The following MAST4 variants were observed in gnomAD, a reference collection of about 807,000 sequenced individuals.
The protein encoded by MAST4 is microtubule-associated serine/threonine-protein kinase 4.
Under a neutral mutation model 162.7 loss-of-function variants are expected in MAST4, and 89 were observed. The ratio of observed to expected loss-of-function variants is 0.55; its 90% CI spans 0.46 to 0.65. MAST4 has a LOEUF of 0.65. Among genes scored for constraint, MAST4 ranks in the 30% least tolerant of loss-of-function variants. The pLI is 0.00. For missense variants in MAST4, 3,153 were observed against 3,374.0 expected, an observed-to-expected ratio of 0.93 and a Z score of 1.62; for synonymous variants, 1,479 against 1,361.1, an observed-to-expected ratio of 1.09 and a Z score of -1.91.
At chr5:66,959,943 G>A (rs1745808165) in intron 4 of MAST4, among the ~76,000 whole-genome samples, 1 of 152,070 alleles carries the variant, frequency 6.6e-6, no homozygotes, top group South Asian at 2.1e-4. Flanking sequence ...CTAATTTGTG[G>A]CGCAGAAGTT....
At chr5:66,866,624 G>A (rs43206) in intron 3 of MAST4, among the ~76,000 whole-genome samples, 80,098 of 152,154 alleles carry the variant, frequency 0.53, 22,818 homozygotes, top group Non-Finnish European at 0.64. Flanking sequence ...ACATTTAAAT[G>A]TAGTGTTTAG....
chr5:66,707,855 T>C (rs10057872), intron 1 of MAST4, among the ~76,000 whole-genome samples: 2,390 of 152,042 alleles, frequency 0.016, 67 homozygotes, highest in African/African-American at 0.053. Flanking sequence ...GAACAGTGGG[T>C]TCTACACCCT....
At chr5:66,933,023 A>G (rs1310410082) in intron 4 of MAST4, among the ~76,000 whole-genome samples, 1 of 152,162 alleles carries the variant, frequency 6.6e-6, no homozygotes, top group Non-Finnish European at 1.5e-5. Flanking sequence ...CTAAATAAGA[A>G]TCATATTTTG....
chr5:66,900,138 AATG>A (rs1386099237), intron 4 of MAST4, among the ~76,000 whole-genome samples, 156 bp downstream of exon 4: 1 of 152,146 alleles, frequency 6.6e-6, no homozygotes, highest in African/African-American at 2.4e-5. Flanking sequence ...AAACAGTAGT[AATG>A]ATTTCATAAT....
At chr5:66,618,039 G>A (rs2149403247) in intron 1 of MAST4, among the ~76,000 whole-genome samples, 1 of 152,008 alleles carries the variant, frequency 6.6e-6, no homozygotes, top group Non-Finnish European at 1.5e-5. Flanking sequence ...GGAATGGGGG[G>A]GGGGCCCTGA....
At chr5:66,805,173 G>A (rs1463388621) in intron 3 of MAST4, among the ~76,000 whole-genome samples, 4 of 152,166 alleles carry the variant, frequency 2.6e-5, no homozygotes, top group African/African-American at 4.8e-5. Context: ...GTAAAGGAGC[G>A]GTTCATCTTC....
intron 3 of MAST4, among the ~76,000 whole-genome samples, chr5:66,810,633 G>A (rs1266949911): frequency 6.6e-6 from 1 of 152,174 alleles, no homozygotes; most frequent in Admixed American, 6.5e-5. Context: ...TGCCACCAAA[G>A]CATCTGTTGC....
At chr5:67,048,766 A>G (rs1178257665) in intron 4 of MAST4, among the ~76,000 whole-genome samples, 1 of 151,702 alleles carries the variant, frequency 6.6e-6, no homozygotes, top group Non-Finnish European at 1.5e-5. Context: ...GAGTTTTTAA[A>G]TCACCTAGTC....
intron 1 of MAST4, among the ~76,000 whole-genome samples, 188 bp downstream of exon 1, chr5:66,597,206 G>A (rs1481431166): frequency 2.6e-5 from 4 of 152,220 alleles, no homozygotes; most frequent in Non-Finnish European, 5.9e-5. Context: ...ACTTCCCTGT[G>A]GCTGTTACCC....
At chr5:66,664,435 C>CA (rs58704256) in intron 1 of MAST4, among the ~76,000 whole-genome samples, 5,784 of 93,784 alleles carry the variant, frequency 0.062, 206 homozygotes, top group Middle Eastern at 0.12. Flanking sequence ...AACTCCATTT[C>CA]AAAAAAAAAA....
chr5:67,010,270 A>G (rs1018114621), intron 4 of MAST4, among the ~76,000 whole-genome samples: 2 of 152,194 alleles, frequency 1.3e-5, no homozygotes, highest in African/African-American at 2.4e-5. Flanking sequence ...TCAATTGCCA[A>G]TGTGGTCAGT....
intron 3 of MAST4, among the ~76,000 whole-genome samples, chr5:66,808,518 T>C (rs925502887): frequency 3.3e-5 from 5 of 152,220 alleles, no homozygotes; most frequent in African/African-American, 1.2e-4. Context: ...AAAGTAGTAT[T>C]GTGTGCGAAT....
intron 3 of MAST4, among the ~76,000 whole-genome samples, chr5:66,829,270 G>T (rs953076986): frequency 6.6e-6 from 1 of 152,020 alleles, no homozygotes; most frequent in African/African-American, 2.4e-5. Flanking sequence ...TTTGTGTCGG[G>T]ATCAACCTCC....
chr5:66,659,577 G>A (rs571896140), intron 1 of MAST4, among the ~76,000 whole-genome samples: 1 of 152,304 alleles, frequency 6.6e-6, no homozygotes, highest in Non-Finnish European at 1.5e-5. Context: ...TTAGGTTTTT[G>A]TAGATCCTAT....
intron 5 of MAST4, among the ~76,000 whole-genome samples, chr5:67,057,108 G>C (rs1416333458): frequency 1.3e-5 from 2 of 152,116 alleles, no homozygotes; most frequent in Non-Finnish European, 2.9e-5. Context: ...TTACTGTCTG[G>C]TAGATTCCTA....
intron 1 of MAST4, among the ~76,000 whole-genome samples, chr5:66,708,343 G>A (rs1750274580): frequency 6.6e-6 from 1 of 152,118 alleles, no homozygotes; most frequent in Non-Finnish European, 1.5e-5. Context: ...TCTATCACTG[G>A]AAGTATAAGC....
intron 4 of MAST4, among the ~76,000 whole-genome samples, chr5:66,998,515 T>A (rs1750920779): frequency 6.6e-6 from 1 of 152,220 alleles, no homozygotes; most frequent in Non-Finnish European, 1.5e-5. Context: ...CATGGACCCA[T>A]GAAACTGAAA....
chr5:66,628,037 G>C (rs544787315), intron 1 of MAST4, among the ~76,000 whole-genome samples: 33 of 151,852 alleles, frequency 2.2e-4, no homozygotes, highest in African/African-American at 6.0e-4. Flanking sequence ...TGTTGTTGTT[G>C]TTTCTTGTTT....
At chr5:66,609,691 GTTTTTTTTTTTTTGTTT>G (rs747053047) in intron 1 of MAST4, among the ~76,000 whole-genome samples, 2 of 117,472 alleles carry the variant, frequency 1.7e-5, no homozygotes, top group Non-Finnish European at 3.4e-5. Flanking sequence ...CCAGCCTGGT[GTTTTTTTTTTTTTGTTT>G]TTTTTTTTTT....
Sources: allele counts gnomAD v4.1 joint callset (sites outside exome capture counted in the v4.1 genomes callset), GRCh38; gene constraint gnomAD v4.1.1; transcripts MANE v1.5; gene names NCBI Gene and HGNC (gene_info 2026-07-23, HGNC 2026-07-21).